Variants in AFF2 observed in about 807,000 individuals in gnomAD.
AFF2 encodes the protein AF4/FMR2 family member 2.
AFF2 carries 14 observed loss-of-function variants against 76.9 expected under a neutral mutation model. The ratio of observed to expected loss-of-function variants is 0.18; its 90% CI spans 0.12 to 0.28. AFF2 has a LOEUF of 0.28. Ranked by LOEUF, AFF2 falls within the 10% of genes least tolerant of loss-of-function variation. The pLI, the probability that AFF2 is intolerant of heterozygous loss-of-function variation, is 1.00. For synonymous variants in AFF2, 398 were observed against 366.7 expected (o/e 1.09, Z -0.98); for missense variants, 868 against 1,001.1 (o/e 0.87, Z 1.79).
Position 148,953,636 on chromosome X carries a change from G to T in AFF2, c.1454G>T (p.Gly485Val). 1 of 1,211,624 alleles carries T rather than the reference G, an allele frequency of 8.3e-7. No homozygotes were observed. Among genetic ancestry groups the T allele is most frequent in the Non-Finnish European group, 1.1e-6 (1 of 895,410 alleles). The part of the protein sequence containing the change: ...PPAVQASGGS[G>V]SSSESESSSE... Reference sequence around the variant, plus strand: ...GCAGTGCAAGCCAGCGGGGGTTCTGGCAGCTCCAGCGAATCGGAGAGCAGC... The same window carrying T: ...GCAGTGCAAGCCAGCGGGGGTTCTGTCAGCTCCAGCGAATCGGAGAGCAGC... Residue 485 changes from glycine (G) to valine (V), a missense_variant, in exon 10 of 21, where the codon GGC (glycine) becomes GTC (valine). Around this residue, in one of 6 missense-constraint regions of AFF2, gnomAD observed 532 missense variants for 564.2 expected, o/e 0.94. Coordinates refer to ENST00000370460, the MANE Select transcript of AFF2 (RefSeq NM_002025.4).
At chrX:148,872,247 C>T (rs997432804) in intron 7 of AFF2, among the ~76,000 whole-genome samples, 2 of 111,463 alleles carry the variant, frequency 1.8e-5, no homozygotes, top group African/African-American at 3.3e-5. Context: ...TTTATCACCC[C>T]GAAAGAATCT....
intron 1 of AFF2, among the ~76,000 whole-genome samples, chrX:148,620,982 T>C (rs1216823237): frequency 1.8e-5 from 2 of 112,067 alleles, no homozygotes; most frequent in East Asian, 5.7e-4. Flanking sequence ...AAAATGATGA[T>C]AGAAAGCACT....
chrX:148,863,668 A>G (rs782630093), intron 7 of AFF2, among the ~76,000 whole-genome samples: 2 of 111,500 alleles, frequency 1.8e-5, no homozygotes, highest in South Asian at 3.8e-4. Context: ...GAGTAGGTAG[A>G]GATACCTGGC....
At chrX:148,714,673 T>C (rs1238870469) in intron 3 of AFF2, among the ~76,000 whole-genome samples, 1 of 111,333 alleles carries the variant, frequency 9.0e-6, no homozygotes, top group Non-Finnish European at 1.9e-5. Flanking sequence ...AGAACCAAAA[T>C]TTTATGCCAA....
chrX:148,704,324 A>T (rs868911789), intron 3 of AFF2, among the ~76,000 whole-genome samples: 1 of 85,714 alleles, frequency 1.2e-5, no homozygotes, highest in African/African-American at 4.4e-5. Context: ...GTATATATAT[A>T]TTTATATATA....
intron 9 of AFF2, among the ~76,000 whole-genome samples, chrX:148,944,558 T>G (rs1488774739): frequency 2.7e-5 from 3 of 111,712 alleles, no homozygotes; most frequent in Non-Finnish European, 5.6e-5. Context: ...TTATATGATT[T>G]TTTTTCCCAC....
At chrX:148,581,144 C>T (rs868994094) in intron 1 of AFF2, among the ~76,000 whole-genome samples, 3 of 58,283 alleles carry the variant, frequency 5.1e-5, no homozygotes, top group African/African-American at 1.5e-4. Flanking sequence ...CGTATACACA[C>T]ATATACATAT....
chrX:148,689,909 A>C (rs1041338269), intron 3 of AFF2, among the ~76,000 whole-genome samples: 1 of 112,348 alleles, frequency 8.9e-6, no homozygotes, highest in African/African-American at 3.2e-5. Flanking sequence ...GAAACATGTG[A>C]ATCATCTATA....
chrX:148,504,074 C>T (rs1341296482), intron 1 of AFF2, among the ~76,000 whole-genome samples: 6 of 111,511 alleles, frequency 5.4e-5, no homozygotes, highest in Non-Finnish European at 9.4e-5. Flanking sequence ...ATTCCATAGA[C>T]TTGTTTTTGG....
At chrX:148,737,038 T>A in intron 3 of AFF2, among the ~76,000 whole-genome samples, 1 of 111,799 alleles carries the variant, frequency 8.9e-6, no homozygotes, top group South Asian at 3.7e-4. Flanking sequence ...TAGCTTGAAA[T>A]CAGGTAGTGT....
intron 3 of AFF2, among the ~76,000 whole-genome samples, chrX:148,684,225 G>A (rs925353740): frequency 5.4e-5 from 6 of 112,131 alleles, no homozygotes; most frequent in Non-Finnish European, 9.4e-5. Context: ...ATTAAGAATA[G>A]ATTATTATTG....
intron 5 of AFF2, among the ~76,000 whole-genome samples, chrX:148,842,561 A>G (rs1557274353): frequency 8.9e-6 from 1 of 112,384 alleles, no homozygotes; most frequent in East Asian, 2.8e-4. Context: ...AAAAAACATG[A>G]TCATCTGTTT....
Position 148,956,585 on chromosome X carries a change from C to T in AFF2, c.2540C>T (p.Pro847Leu), listed in dbSNP as rs1557287426. The change falls in exon 11 of 21, where the codon CCA (proline) becomes CTA (leucine). Residue 847 changes from proline to leucine, a missense_variant. Pro to Leu is a moderately conservative substitution (Grantham distance 98). Coordinates refer to ENST00000370460, the MANE Select transcript of AFF2 (RefSeq NM_002025.4). The stretch of plus-strand genomic sequence containing the variant: ...ACAGCTGTCACAGCTGTGGAGAAAC[C>T]AGCCCCTAAGGGCAAACGTAAGCAC... ...RQTAVTAVEK[P>L]APKGKRKHKP... 2 of 1,211,414 alleles carry T rather than the reference C, an allele frequency of 1.7e-6. No individual in the cohort carries two copies. The highest frequency in any genetic ancestry group is 2.2e-6 in the Non-Finnish European group (2 of 895,329).
At chrX:148,554,958 C>T (rs1264665612) in intron 1 of AFF2, among the ~76,000 whole-genome samples, 1 of 112,683 alleles carries the variant, frequency 8.9e-6, no homozygotes, top group Non-Finnish European at 1.9e-5. Context: ...TTCCATTCAA[C>T]AGAAGGGGCC....
At chrX:148,925,101 A>T (rs1317548831) in intron 9 of AFF2, among the ~76,000 whole-genome samples, 2 of 112,440 alleles carry the variant, frequency 1.8e-5, no homozygotes, top group African/African-American at 6.5e-5. Flanking sequence ...GAAGGGGGGA[A>T]ATGCATGAGC....
intron 15 of AFF2, among the ~76,000 whole-genome samples, chrX:148,968,302 G>C (rs2072206258): frequency 9.0e-6 from 1 of 111,393 alleles, no homozygotes; most frequent in Non-Finnish European, 1.9e-5. Flanking sequence ...TGAGTTGTTT[G>C]ATTTGGCTGA....
chrX:148,601,598 G>T (rs1603255040), intron 1 of AFF2, among the ~76,000 whole-genome samples: 1 of 111,343 alleles, frequency 9.0e-6, no homozygotes, highest in African/African-American at 3.3e-5. Flanking sequence ...AAGTGTGCAT[G>T]TATTACAGGC....
At chrX:148,704,362 ATG>A (rs1330264353) in intron 3 of AFF2, among the ~76,000 whole-genome samples, 526 of 13,349 alleles carry the variant, frequency 0.039, 19 homozygotes, top group African/African-American at 0.085. Flanking sequence ...TTATATATAT[ATG>A]TGTGTATATA....
intron 3 of AFF2, among the ~76,000 whole-genome samples, chrX:148,798,160 G>C (rs1293820374): frequency 9.0e-6 from 1 of 110,729 alleles, no homozygotes; most frequent in African/African-American, 3.3e-5. Flanking sequence ...AGGTTGGGGA[G>C]AGAGAGAGAG....
Sources: allele counts gnomAD v4.1 joint callset (sites outside exome capture counted in the v4.1 genomes callset), GRCh38; gene constraint gnomAD v4.1.1; regional missense constraint gnomAD v4.1.1; transcripts MANE v1.5; gene names NCBI Gene and HGNC (gene_info 2026-07-23, HGNC 2026-07-21).